Variants in CDK14 observed in about 807,000 individuals in gnomAD.
CDK14 encodes cyclin dependent kinase 14.
Under a neutral mutation model 60.7 loss-of-function variants are expected in CDK14, and 34 were observed. That is an observed-to-expected ratio of 0.56 (90% CI 0.43 to 0.75). CDK14 has a LOEUF of 0.75. CDK14 is among the 30% of genes least tolerant of loss of function. CDK14 has a pLI of 0.00. For synonymous variants in CDK14, 197 were observed against 203.7 expected (o/e 0.97, Z 0.28); for missense variants, 482 against 564.1 (o/e 0.85, Z 1.47).
chr7:91,132,833 G>A (rs1030553950), intron 14 of CDK14, among the ~76,000 whole-genome samples: 1 of 152,098 alleles, frequency 6.6e-6, no homozygotes, highest in Non-Finnish European at 1.5e-5. Context: ...TTTTGCTGGA[G>A]GAGGTTGCAA....
chr7:91,170,774 T>G (rs919448763), intron 14 of CDK14, among the ~76,000 whole-genome samples: 1 of 149,216 alleles, frequency 6.7e-6, no homozygotes, highest in Non-Finnish European at 1.5e-5. Flanking sequence ...TTTTTCTTTT[T>G]TTTTTTTTTT....
At chr7:90,815,810 CACAGAA>C (rs908040358) in intron 5 of CDK14, among the ~76,000 whole-genome samples, 3 of 152,100 alleles carry the variant, frequency 2.0e-5, no homozygotes, top group East Asian at 1.9e-4. Flanking sequence ...AGCAAACTAA[CACAGAA>C]ACAGAAAACC....
At chr7:90,702,619 T>C (rs1345731357) in intron 2 of CDK14, among the ~76,000 whole-genome samples, 1 of 152,088 alleles carries the variant, frequency 6.6e-6, no homozygotes, top group Non-Finnish European at 1.5e-5. Context: ...ATGTCTTCAG[T>C]TGGTTATCCT....
chr7:90,650,807 A>T (rs1184308808), intron 2 of CDK14, among the ~76,000 whole-genome samples: 1 of 152,106 alleles, frequency 6.6e-6, no homozygotes, highest in Non-Finnish European at 1.5e-5. Context: ...GTTGTGTTCC[A>T]TTAGTCTATA....
chr7:90,647,502 T>C (rs574777345), intron 2 of CDK14, among the ~76,000 whole-genome samples: 2 of 81,616 alleles, frequency 2.5e-5, no homozygotes, highest in Admixed American at 3.0e-4. Context: ...TTAGTTTTAT[T>C]TTTTTATCTT....
chr7:90,933,096 T>C (rs990036778), intron 8 of CDK14, among the ~76,000 whole-genome samples: 2 of 152,054 alleles, frequency 1.3e-5, no homozygotes, highest in Non-Finnish European at 2.9e-5. Flanking sequence ...TCCCAGCACT[T>C]TGGGCGACTA....
At chr7:91,018,354 G>T (rs1040597648) in intron 10 of CDK14, among the ~76,000 whole-genome samples, 2 of 152,180 alleles carry the variant, frequency 1.3e-5, no homozygotes, top group African/African-American at 4.8e-5. Context: ...CATAAGCTGG[G>T]TAAATTATAA....
At chr7:91,066,875 C>T (rs1797999682) in intron 11 of CDK14, among the ~76,000 whole-genome samples, 1 of 152,210 alleles carries the variant, frequency 6.6e-6, no homozygotes, top group Non-Finnish European at 1.5e-5. Context: ...GGATCATCCT[C>T]TGCAATGTCC....
chr7:90,935,977 G>A (rs1793739088), intron 8 of CDK14, among the ~76,000 whole-genome samples: 1 of 151,858 alleles, frequency 6.6e-6, no homozygotes. Flanking sequence ...GGGAGGTTGA[G>A]GCTGCAGTGA....
intron 2 of CDK14, chr7:90,709,892 C>T: frequency 7.7e-7 from 1 of 1,297,218 alleles, no homozygotes; most frequent in Non-Finnish European, 9.9e-7. Flanking sequence ...CTGGTGCAAA[C>T]ACATTGCTAG....
chr7:90,919,416 C>A (rs1289553700), intron 8 of CDK14, among the ~76,000 whole-genome samples: 3 of 151,948 alleles, frequency 2.0e-5, no homozygotes, highest in Non-Finnish European at 2.9e-5. Flanking sequence ...TCTTATGGAT[C>A]TTTACTTTAA....
intron 2 of CDK14, among the ~76,000 whole-genome samples, chr7:90,718,799 G>T (rs925956120): frequency 2.0e-5 from 3 of 152,072 alleles, no homozygotes; most frequent in African/African-American, 4.8e-5. Context: ...CATACTTTTA[G>T]ATTTGACAGA....
intron 10 of CDK14, among the ~76,000 whole-genome samples, chr7:91,029,715 G>T (rs1002317241): frequency 9.3e-5 from 14 of 150,720 alleles, no homozygotes; most frequent in African/African-American, 3.4e-4. Flanking sequence ...GTCATTATTG[G>T]TGTGTAGCAG....
chr7:90,875,594 C>A (rs1791530631), intron 6 of CDK14, among the ~76,000 whole-genome samples: 1 of 152,038 alleles, frequency 6.6e-6, no homozygotes, highest in South Asian at 2.1e-4. Flanking sequence ...GTTTTCCTGA[C>A]TTATGATGTT....
At chr7:91,158,049 T>TATATATATATATATATA (rs1801036281) in intron 14 of CDK14, among the ~76,000 whole-genome samples, 3 of 148,310 alleles carry the variant, frequency 2.0e-5, no homozygotes, top group Non-Finnish European at 4.5e-5. Flanking sequence ...CCAAACATTT[T>TATATATATATATATATA]TTATATAATA....
chr7:90,638,470 C>A (rs1800217792), intron 2 of CDK14, among the ~76,000 whole-genome samples: 2 of 152,236 alleles, frequency 1.3e-5, no homozygotes, highest in South Asian at 4.1e-4. Context: ...CCACTCTCTT[C>A]TGGCTTTTAG....
intron 10 of CDK14, among the ~76,000 whole-genome samples, chr7:90,997,273 A>G (rs1159919769): frequency 6.6e-6 from 1 of 152,240 alleles, no homozygotes; most frequent in East Asian, 1.9e-4. Flanking sequence ...TGGAGCAAAC[A>G]GTATGTGCCC....
intron 2 of CDK14, among the ~76,000 whole-genome samples, chr7:90,672,219 G>A (rs191118783): frequency 6.6e-6 from 1 of 152,012 alleles, no homozygotes; most frequent in Non-Finnish European, 1.5e-5. Context: ...ATACAATTCA[G>A]TAGTTTTTAG....
chr7:91,048,773 A>G (rs1562882312), intron 11 of CDK14, among the ~76,000 whole-genome samples: 3 of 152,016 alleles, frequency 2.0e-5, no homozygotes, highest in Admixed American at 2.0e-4. Context: ...GCATCTTTTG[A>G]TATGTTTCAG....
Sources: gnomAD v4.1 joint callset for allele counts (sites outside exome capture counted in the v4.1 genomes callset) on GRCh38, gnomAD v4.1.1 for gene constraint, MANE v1.5 for transcripts, NCBI Gene and HGNC (gene_info 2026-07-23, HGNC 2026-07-21) for gene names.